PTPRK: variants seen among roughly 807,000 people sequenced by gnomAD.
PTPRK encodes receptor-type tyrosine-protein phosphatase kappa.
PTPRK carries 75 observed loss-of-function variants against 178.0 expected under a neutral mutation model. The ratio of observed to expected loss-of-function variants is 0.42; its 90% CI spans 0.35 to 0.51. The LOEUF is 0.51. PTPRK is among the 20% of genes least tolerant of loss of function. The pLI is 0.02. For missense variants in PTPRK, 1,441 were observed against 1,797.8 expected, an observed-to-expected ratio of 0.80 and a Z score of 3.59; for synonymous variants, 637 against 620.6, an observed-to-expected ratio of 1.03 and a Z score of -0.39.
At chr6:128,432,932 T>C (rs181235203) in intron 1 of PTPRK, among the ~76,000 whole-genome samples, 7 of 152,346 alleles carry the variant, frequency 4.6e-5, no homozygotes, top group Admixed American at 3.9e-4. Flanking sequence ...CTGATTTTAA[T>C]ATTAGTTTAA....
chr6:128,068,983 GGA>G (rs891404765), intron 11 of PTPRK, among the ~76,000 whole-genome samples: 266 of 150,878 alleles, frequency 1.8e-3, no homozygotes, highest in African/African-American at 6.2e-3. Context: ...GAGAGAGAGA[GGA>G]GAGAGAGAGA....
intron 3 of PTPRK, among the ~76,000 whole-genome samples, chr6:128,276,863 T>A (rs1820802268): frequency 6.6e-6 from 1 of 152,160 alleles, no homozygotes; most frequent in South Asian, 2.1e-4. Flanking sequence ...ATTTAAATTT[T>A]TTTCCATGTG....
intron 1 of PTPRK, among the ~76,000 whole-genome samples, chr6:128,435,261 T>C (rs533663603): frequency 2.0e-5 from 3 of 152,268 alleles, no homozygotes; most frequent in South Asian, 2.1e-4. Context: ...TGCTCCCAAA[T>C]AGGTTCTACA....
At chr6:128,135,364 G>A (rs1300382282) in intron 7 of PTPRK, among the ~76,000 whole-genome samples, 2 of 152,086 alleles carry the variant, frequency 1.3e-5, no homozygotes, top group Non-Finnish European at 2.9e-5. Context: ...CTCTTCCCTG[G>A]TGGTTTGGTA....
intron 2 of PTPRK, among the ~76,000 whole-genome samples, chr6:128,356,940 A>G (rs145559192): frequency 2.0e-5 from 3 of 152,334 alleles, no homozygotes; most frequent in East Asian, 1.9e-4. Context: ...AATTGTATCA[A>G]TGCTGTTTCA....
At chr6:128,169,514 T>G (rs1799896481) in intron 7 of PTPRK, among the ~76,000 whole-genome samples, 1 of 152,046 alleles carries the variant, frequency 6.6e-6, no homozygotes, top group South Asian at 2.1e-4. Context: ...TGAAATGACT[T>G]GAAATAAAGT....
chr6:128,052,484 A>C (rs1779181398), intron 13 of PTPRK, among the ~76,000 whole-genome samples: 2 of 152,200 alleles, frequency 1.3e-5, no homozygotes, highest in South Asian at 4.1e-4. Context: ...GTTTTTGAAA[A>C]TTATAGCTCA....
chr6:128,395,167 G>T (rs982917917), intron 2 of PTPRK, among the ~76,000 whole-genome samples: 1 of 152,030 alleles, frequency 6.6e-6, no homozygotes, highest in African/African-American at 2.4e-5. Context: ...AGGAATATCA[G>T]AAGGAAAATG....
chr6:128,486,738 A>G (rs566551153), intron 1 of PTPRK, among the ~76,000 whole-genome samples: 4 of 152,074 alleles, frequency 2.6e-5, no homozygotes, highest in African/African-American at 9.6e-5. Context: ...AGATCGTGCC[A>G]CTGCACTCCA....
intron 1 of PTPRK, among the ~76,000 whole-genome samples, chr6:128,504,926 A>T (rs1436136079): frequency 6.6e-6 from 1 of 152,112 alleles, no homozygotes; most frequent in African/African-American, 2.4e-5. Context: ...TTTCCAAATA[A>T]TAAGTGAGTC....
At chr6:128,162,994 T>A (rs1300182739) in intron 7 of PTPRK, among the ~76,000 whole-genome samples, 1 of 151,524 alleles carries the variant, frequency 6.6e-6, no homozygotes, top group Admixed American at 6.6e-5. Context: ...TGTTTAATAT[T>A]CATTATTAAT....
intron 27 of PTPRK, among the ~76,000 whole-genome samples, chr6:127,976,220 T>C (rs549962608): frequency 6.6e-6 from 1 of 152,236 alleles, no homozygotes; most frequent in African/African-American, 2.4e-5. Context: ...CCTTCTATAA[T>C]GGTTGATCCA....
chr6:128,171,272 A>C (rs2114646061), intron 7 of PTPRK, among the ~76,000 whole-genome samples: 1 of 152,196 alleles, frequency 6.6e-6, no homozygotes, highest in Non-Finnish European at 1.5e-5. Context: ...ACCAAGCCAG[A>C]AATGATGCAG....
chr6:128,349,186 A>G (rs1832798364), intron 2 of PTPRK, among the ~76,000 whole-genome samples: 1 of 152,134 alleles, frequency 6.6e-6, no homozygotes, highest in Non-Finnish European at 1.5e-5. Flanking sequence ...AGCAATGGAA[A>G]ATAAACTATA....
intron 8 of PTPRK, among the ~76,000 whole-genome samples, chr6:128,088,326 C>A (rs576448705): frequency 6.7e-6 from 1 of 150,212 alleles, no homozygotes; most frequent in Non-Finnish European, 1.5e-5. Flanking sequence ...TGCAGTGAGC[C>A]GAGTCGAGCC....
intron 10 of PTPRK, among the ~76,000 whole-genome samples, chr6:128,081,451 T>C (rs1282881029): frequency 6.6e-6 from 1 of 151,982 alleles, no homozygotes. Flanking sequence ...AGTAACATTT[T>C]AGACTCAAAA....
Position 128,242,586 on chromosome 6 carries a change from T to TC in PTPRK, c.511dup (p.Glu171GlyfsTer13). The stretch of plus-strand genomic sequence containing the variant: ...ATAACCACTTCTCCCTCCTGAGACT[T>TC]CAGCTTCAAATATTACCTGTCAAAA... On this transcript the variant is annotated frameshift_variant, in exon 4 of 30. Coordinates refer to ENST00000368226, the MANE Select transcript of PTPRK (RefSeq NM_002844.4). LOFTEE classifies it high-confidence loss of function. The TC allele has an allele frequency of 3.1e-6, 5 of 1,612,664 alleles. No individual in the cohort carries two copies. The highest frequency in any genetic ancestry group is 4.2e-6 in the Non-Finnish European group (5 of 1,179,484).
At chr6:128,074,061 T>G (rs925137508) in intron 11 of PTPRK, among the ~76,000 whole-genome samples, 1 of 152,070 alleles carries the variant, frequency 6.6e-6, no homozygotes, top group African/African-American at 2.4e-5. Context: ...TCAGTGAACT[T>G]AGAACATCAG....
intron 3 of PTPRK, among the ~76,000 whole-genome samples, chr6:128,265,881 A>G (rs1448766294): frequency 1.3e-5 from 2 of 152,070 alleles, no homozygotes; most frequent in Non-Finnish European, 2.9e-5. Flanking sequence ...GGTTTCTGGG[A>G]GGTGATCAGG....
Sources: gnomAD v4.1 joint callset for allele counts (sites outside exome capture counted in the v4.1 genomes callset) on GRCh38, gnomAD v4.1.1 for gene constraint, MANE v1.5 for transcripts, NCBI Gene and HGNC (gene_info 2026-07-23, HGNC 2026-07-21) for gene names.